EPN1: variants seen among roughly 807,000 people sequenced by gnomAD.
The protein encoded by EPN1 is epsin 1.
Under a neutral mutation model 56.9 loss-of-function variants are expected in EPN1, and 25 were observed. That is an observed-to-expected ratio of 0.44 (90% CI 0.32 to 0.61). The LOEUF (loss-of-function observed/expected upper bound fraction) is 0.61, where lower values mean the gene tolerates loss of function less well. EPN1 is among the 20% of genes least tolerant of loss of function. EPN1 has a pLI of 0.05. For synonymous variants in EPN1, 411 were observed against 361.8 expected (o/e 1.14, Z -1.54); for missense variants, 785 against 823.7 (o/e 0.95, Z 0.58).
chr19:55,677,467 G>A (rs1014672057), intron 1 of EPN1: 11 of 771,882 alleles, frequency 1.4e-5, no homozygotes, highest in Admixed American at 2.7e-5. Context: ...AAAAGTATGA[G>A]TTTTGGAGTT....
At chr19:55,684,639 C>T (rs1384223040) in intron 2 of EPN1, among the ~76,000 whole-genome samples, 2 of 152,178 alleles carry the variant, frequency 1.3e-5, no homozygotes, top group African/African-American at 2.4e-5. Flanking sequence ...CAGGCCCTTG[C>T]GTGGATCTCT....
rs187943456 is a variant in EPN1, at chr19:55,677,560, T to C, written c.-101-967T>C. On this transcript the variant is annotated intron_variant, in intron 1 of 10. Transcript: ENST00000270460. ...TTATTTAACTTCCAGGAGCCCAGTCTTTGCATGCAGTGTTGAAAAAGGTAA... is the reference window on the plus strand; with the variant it reads ...TTATTTAACTTCCAGGAGCCCAGTCCTTGCATGCAGTGTTGAAAAAGGTAA... The C allele has an allele frequency of 1.2e-4, 189 of 1,528,088 alleles. 3 individuals are homozygous for C. The East Asian group carries it at 3.3e-3, about 26-fold the overall frequency. 94.7% of individuals were successfully genotyped at this position (1,528,088 alleles called of 1,614,324 possible).
At position 55,701,607 on chromosome 19, in the gene EPN1, T is replaced by C. The variant is rs796296261; in HGVS notation, c.*6251T>C. 8 of 152,256 alleles carry C rather than the reference T, an allele frequency of 5.3e-5. No homozygotes were observed. Among genetic ancestry groups the C allele is most frequent in the African/African-American group, 1.9e-4 (8 of 41,542 alleles). The allele number at this position is 152,256 out of a possible 1,614,324, so 9.4% of individuals were successfully genotyped here. On this transcript the variant is annotated 3_prime_UTR_variant, in exon 11 of 11. Transcript: ENST00000270460. ...AGGAGCTGACATTAATGAGAACTTCTCCCTGTTAGACCCTTAAAATACTGA... is the reference window on the plus strand; with the variant it reads ...AGGAGCTGACATTAATGAGAACTTCCCCCTGTTAGACCCTTAAAATACTGA...
rs754410987 is a variant in EPN1, at chr19:55,695,301, C to T, written c.1676C>T (p.Pro559Leu). Residue 559 changes from proline (P) to leucine (L), a missense_variant, in exon 11 of 11, where the codon CCC becomes CTC. Coordinates refer to ENST00000270460, the MANE Select transcript of EPN1 (RefSeq NM_001130072.2). The surrounding 1 kb of genome is among the most constrained non-coding windows in gnomAD (Gnocchi z 4.4). Reference protein sequence around the residue: ...ISPLGGGPGLPPMMPPGPPAP... With the variant: ...ISPLGGGPGLLPMMPPGPPAP... ...CCCCTTGGCGGGGGCCCTGGCCTGCCCCCCATGATGCCCCCGGGCCCCCCG... is the reference window on the plus strand; with the variant it reads ...CCCCTTGGCGGGGGCCCTGGCCTGCTCCCCATGATGCCCCCGGGCCCCCCG... 2 of 1,571,484 alleles carry T rather than the reference C, an allele frequency of 1.3e-6. No homozygotes were observed. The highest frequency in any genetic ancestry group is 2.3e-5 in the South Asian group (2 of 86,668).
In EPN1 at chr19:55,694,532, C is replaced by T; in HGVS notation, c.1265-194C>T. ...GTTTGCTCACTGGAATCAGACCCAC[C>T]TTATGGGAATCTGGGCTGACGTGAG... is the stretch of plus-strand genomic sequence containing the variant. On this transcript the variant is annotated intron_variant, in intron 9 of 10. Transcript: ENST00000270460. The surrounding 1 kb of genome is among the most constrained non-coding windows in gnomAD (Gnocchi z 4.2). 1.8e-6 allele frequency: 1 copy of T among 559,556 alleles called. No individual in the cohort carries two copies. Among genetic ancestry groups the T allele is most frequent in the South Asian group, 3.9e-5 (1 of 25,736 alleles). 34.7% of individuals were successfully genotyped at this position (559,556 alleles called of 1,614,324 possible). A position where few individuals can be genotyped will look rare whatever the true frequency, so the allele number is the denominator to read the frequency against.
In EPN1 at chr19:55,689,943, A is replaced by G. The variant is rs888279513; in HGVS notation, c.755A>G (p.Lys252Arg). ...IEESKRETGG[K>R]EESSLMDLAD... ...GAGAGCAAGAGGGAGACTGGGGGCAAGGAGGAGGTGAGCGGGGCTTGTTCT... is the reference window on the plus strand; with the variant it reads ...GAGAGCAAGAGGGAGACTGGGGGCAGGGAGGAGGTGAGCGGGGCTTGTTCT... The change falls in exon 6 of 11, where the codon AAG becomes AGG. Residue 252 changes from lysine to arginine, a missense_variant. Lys to Arg is a conservative substitution (Grantham distance 26). Around this residue, in one of 2 missense-constraint regions of EPN1, gnomAD observed 650 missense variants for 605.0 expected, o/e 1.07. Transcript: ENST00000270460. The surrounding 1 kb of genome is among the most constrained non-coding windows in gnomAD (Gnocchi z 5.7). The G allele has an allele frequency of 1.2e-6, 2 of 1,600,662 alleles. No homozygotes were observed. Among genetic ancestry groups the G allele is most frequent in the African/African-American group, 2.7e-5 (2 of 74,810 alleles).
At chr19:55,683,764 C>CT (rs1455620594) in intron 2 of EPN1, among the ~76,000 whole-genome samples, 1 of 152,202 alleles carries the variant, frequency 6.6e-6, no homozygotes, top group Non-Finnish European at 1.5e-5. Context: ...GCTTCACAAT[C>CT]TTTTTAGCTG....
At chr19:55,682,782 A>C (rs933262351) in intron 2 of EPN1, among the ~76,000 whole-genome samples, 7 of 151,494 alleles carry the variant, frequency 4.6e-5, no homozygotes, top group Admixed American at 1.3e-4. Flanking sequence ...TATGAGACGG[A>C]GTCTCGCTGT....
Position 55,696,887 on chromosome 19 carries a change from G to A in EPN1, c.*1531G>A, listed in dbSNP as rs1255199380. On this transcript the variant is annotated 3_prime_UTR_variant, in exon 11 of 11. Coordinates refer to ENST00000270460, the MANE Select transcript of EPN1 (RefSeq NM_001130072.2). Reference sequence around the variant, plus strand: ...ATTGGGTCATGACCTGTGTCGGAGCGTTCTCTGGCCTCCACTTGCCCCTGC... The same window carrying A: ...ATTGGGTCATGACCTGTGTCGGAGCATTCTCTGGCCTCCACTTGCCCCTGC... The A allele has an allele frequency of 2.0e-5, 3 of 152,324 alleles. No homozygotes were observed. Among genetic ancestry groups the A allele is most frequent in the Non-Finnish European group, 4.4e-5 (3 of 68,112 alleles). The allele number at this position is 152,324 out of a possible 1,614,324, so 9.4% of individuals were successfully genotyped here. A position where few individuals can be genotyped will look rare whatever the true frequency, so the allele number is the denominator to read the frequency against.
chr19:55,692,969 C>T lies in EPN1; in HGVS notation c.1196C>T (p.Thr399Met), dbSNP rs201438458. 410 of 1,613,326 alleles carry T rather than the reference C, an allele frequency of 2.5e-4. 4 individuals are homozygous for T. The highest frequency in any genetic ancestry group is 6.9e-5 in the Non-Finnish European group (81 of 1,179,706). ...CCCACAGCAGCCGGGGGATTCGACACGGAGCCCGACGAGTTCTCTGACTTT... is the reference window on the plus strand; with the variant it reads ...CCCACAGCAGCCGGGGGATTCGACATGGAGCCCGACGAGTTCTCTGACTTT... Reference protein sequence around the residue: ...NGTTAAGGFDTEPDEFSDFDR... With the variant: ...NGTTAAGGFDMEPDEFSDFDR... The change falls in exon 9 of 11, where the codon ACG becomes ATG. Residue 399 changes from threonine to methionine, a missense_variant. This residue lies in a region of EPN1 where 650 missense variants were observed against 605.0 expected (regional missense o/e 1.07). Coordinates refer to ENST00000270460, the MANE Select transcript of EPN1 (RefSeq NM_001130072.2).
chr19:55,702,630 A>G lies in EPN1; in HGVS notation c.*7274A>G, dbSNP rs1987196623. On this transcript the variant is annotated 3_prime_UTR_variant, in exon 11 of 11. Transcript: ENST00000270460. The stretch of plus-strand genomic sequence containing the variant: ...GCGTGGTGTGGTGAGAAAGGGAGCA[A>G]TTTCTAAGCTGCTTTTTGTTAGGAA... 1 of 152,106 alleles carries G rather than the reference A, an allele frequency of 6.6e-6. No individual in the cohort carries two copies. Among genetic ancestry groups the G allele is most frequent in the African/African-American group, 2.4e-5 (1 of 41,410 alleles). 9.4% of individuals were successfully genotyped at this position (152,106 alleles called of 1,614,324 possible).
chr19:55,680,044 G>A (rs1269212755), intron 2 of EPN1, among the ~76,000 whole-genome samples: 1 of 152,176 alleles, frequency 6.6e-6, no homozygotes, highest in Non-Finnish European at 1.5e-5. Flanking sequence ...CCTGTGGGCA[G>A]GGCTGGCAGG....
chr19:55,693,210 G>A (rs958869402), intron 9 of EPN1, 173 bp downstream of exon 9: 5 of 544,624 alleles, frequency 9.2e-6, no homozygotes, highest in African/African-American at 7.6e-5. Flanking sequence ...TAAAAGAAGT[G>A]TGCATCTTTA....
intron 1 of EPN1, chr19:55,677,310 C>CT: frequency 1.2e-6 from 1 of 814,766 alleles, no homozygotes; most frequent in Non-Finnish European, 2.1e-6. Flanking sequence ...CAAGGATTAA[C>CT]TGAGTTAATA....
At chr19:55,690,001 C>A in intron 6 of EPN1, 51 bp downstream of exon 6, 1 of 1,499,256 alleles carries the variant, frequency 6.7e-7, no homozygotes, top group Non-Finnish European at 9.1e-7. Context: ...GTCCGTCCGT[C>A]CCATCGCTCA....
Position 55,709,050 on chromosome 19 carries a change from A to G in EPN1, c.*13694A>G. ...CAAAGCCAGATTTGTGCAGCCTGGG[A>G]AAATAGAAATAAAGTTTTTTTTTTT... is the stretch of plus-strand genomic sequence containing the variant. On this transcript the variant is annotated 3_prime_UTR_variant, in exon 11 of 11. Coordinates refer to ENST00000270460, the MANE Select transcript of EPN1 (RefSeq NM_001130072.2). The G allele has an allele frequency of 1.9e-6, 3 of 1,556,492 alleles. No homozygotes were observed. The highest frequency in any genetic ancestry group is 2.3e-5 in the Admixed American group (1 of 43,582).
In EPN1 at chr19:55,699,923, A is replaced by C. The variant is rs1349197628; in HGVS notation, c.*4567A>C. 6.6e-6 allele frequency: 1 copy of C among 150,544 alleles called. No homozygotes were observed. The highest frequency in any genetic ancestry group is 1.5e-5 in the Non-Finnish European group (1 of 67,718). 9.3% of individuals were successfully genotyped at this position (150,544 alleles called of 1,614,324 possible). A position where few individuals can be genotyped will look rare whatever the true frequency, so the allele number is the denominator to read the frequency against. ...ATGGATATTTATAATTTCCTAAAGC[A>C]CTATTTTTTTTTTTTGAGACAGAGT... On this transcript the variant is annotated 3_prime_UTR_variant, in exon 11 of 11. Coordinates refer to ENST00000270460, the MANE Select transcript of EPN1 (RefSeq NM_001130072.2).
At chr19:55,688,686 T>C (rs1986325010) in intron 3 of EPN1, among the ~76,000 whole-genome samples, 184 bp from the exon 4 acceptor site, 1 of 150,494 alleles carries the variant, frequency 6.6e-6, no homozygotes, top group African/African-American at 2.4e-5. Context: ...TCCCCACCCT[T>C]CCTCCTCTGA....
chr19:55,696,106 T>G lies in EPN1; in HGVS notation c.*750T>G, dbSNP rs960741899. On this transcript the variant is annotated 3_prime_UTR_variant, in exon 11 of 11. Transcript: ENST00000270460. The stretch of plus-strand genomic sequence containing the variant: ...CAGGGAGGAGAAGAATCCTGAGAGA[T>G]GGCACATGTGCAACACAGGTCACCG... 1 of 152,366 alleles carries G rather than the reference T, an allele frequency of 6.6e-6. No homozygotes were observed. Among genetic ancestry groups the G allele is most frequent in the African/African-American group, 2.4e-5 (1 of 41,390 alleles). The allele number at this position is 152,366 out of a possible 1,614,324, so 9.4% of individuals were successfully genotyped here. A position where few individuals can be genotyped will look rare whatever the true frequency, so the allele number is the denominator to read the frequency against.
Sources: gnomAD v4.1 joint callset for allele counts (sites outside exome capture counted in the v4.1 genomes callset) on GRCh38, gnomAD v4.1.1 for gene constraint, gnomAD v4.1.1 regional missense constraint, Gnocchi (gnomAD v3.1) non-coding constraint, MANE v1.5 for transcripts, NCBI Gene and HGNC (gene_info 2026-07-23, HGNC 2026-07-21) for gene names.